The following ZMYM6 variants were observed in gnomAD, a reference collection of about 807,000 sequenced individuals.
ZMYM6 encodes zinc finger MYM-type protein 6.
In ZMYM6, 90 loss-of-function variants were observed where a neutral mutation model predicts 134.0. The ratio of observed to expected loss-of-function variants is 0.67; its 90% CI spans 0.57 to 0.80. The LOEUF (loss-of-function observed/expected upper bound fraction) is 0.80, where lower values mean the gene tolerates loss of function less well. Ranked by LOEUF, ZMYM6 falls within the 30% of genes least tolerant of loss-of-function variation. The pLI, the probability that ZMYM6 is intolerant of heterozygous loss-of-function variation, is 0.00. For missense variants in ZMYM6, 1,362 were observed against 1,533.9 expected, an observed-to-expected ratio of 0.89 and a Z score of 1.87; for synonymous variants, 481 against 524.1, an observed-to-expected ratio of 0.92 and a Z score of 1.12.
Position 35,010,613 on chromosome 1 carries a change from A to C in ZMYM6, c.1342-16T>G. On this transcript the variant is annotated splice_polypyrimidine_tract_variant and intron_variant, in intron 9 of 15. Coordinates refer to ENST00000357182, the MANE Select transcript of ZMYM6 (RefSeq NM_007167.4). ...ACATTTTACCCTGCAGAGAAACAAC[A>C]GTCCATTAAGAGCCAACTAAACAGT... The C allele has an allele frequency of 6.3e-7, 1 of 1,598,452 alleles. No homozygotes were observed. Among genetic ancestry groups the C allele is most frequent in the African/African-American group, 1.4e-5 (1 of 74,012 alleles).
At chr1:35,002,101 C>A (rs2148448268) in intron 14 of ZMYM6, among the ~76,000 whole-genome samples, 1 of 152,190 alleles carries the variant, frequency 6.6e-6, no homozygotes. Flanking sequence ...TGCCCAAGGC[C>A]CGGATTGACT....
Position 34,988,048 on chromosome 1 carries a change from TA to T in ZMYM6, c.3033del (p.Phe1011LeufsTer7). 1.3e-6 allele frequency: 2 copies of T among 1,551,574 alleles called. No individual in the cohort carries two copies. Among genetic ancestry groups the T allele is most frequent in the Non-Finnish European group, 1.7e-6 (2 of 1,146,964 alleles). ...AMNTAAFTHC[F>X]IHRERLVAEK... ...TCTGCCACTAAACGTTCACGGTGAATAAAACAATGTGTAAATGCCGCTGTAT... is the reference window on the plus strand; with the variant it reads ...TCTGCCACTAAACGTTCACGGTGAATAAACAATGTGTAAATGCCGCTGTAT... On this transcript the variant is annotated frameshift_variant, in exon 16 of 16. Coordinates refer to ENST00000357182, the MANE Select transcript of ZMYM6 (RefSeq NM_007167.4). LOFTEE classifies it high-confidence loss of function.
chr1:34,987,373 C>T lies in ZMYM6; in HGVS notation c.3709G>A (p.Glu1237Lys). The T allele has an allele frequency of 6.2e-7, 1 of 1,614,020 alleles. No individual in the cohort carries two copies. The highest frequency in any genetic ancestry group is 8.5e-7 in the Non-Finnish European group (1 of 1,179,992). The change falls in exon 16 of 16, where the codon GAG (glutamate) becomes AAG (lysine). Residue 1237 changes from glutamate (E) to lysine (K), a missense_variant. Glu to Lys is a moderately conservative substitution (Grantham distance 56). This residue lies in a region of ZMYM6 where 824 missense variants were observed against 940.9 expected (regional missense o/e 0.88). Transcript: ENST00000357182. Reference sequence around the variant, plus strand: ...TGTAATCCTAAATCTGAAGATAGCTCTGTTAGCTTTTCTTCTTCGAAGTCG... The same window carrying T: ...TGTAATCCTAAATCTGAAGATAGCTTTGTTAGCTTTTCTTCTTCGAAGTCG... ...LTDFEEEKLT[E>K]LSSDLGLQAL...
intron 14 of ZMYM6, among the ~76,000 whole-genome samples, chr1:34,998,600 C>T (rs975953859): frequency 2.6e-5 from 4 of 151,976 alleles, no homozygotes; most frequent in African/African-American, 9.7e-5. Context: ...GATGCTCAGA[C>T]TAAGGAGGCG....
At chr1:35,010,701 C>A (rs371365215) in intron 9 of ZMYM6, 57 bp downstream of exon 9, 2 of 1,538,414 alleles carry the variant, frequency 1.3e-6, no homozygotes, top group Non-Finnish European at 1.7e-6. Context: ...ATTGAAAACA[C>A]AAAAGTGTTT....
chr1:35,012,343 A>G (rs1007941037), intron 7 of ZMYM6, 88 bp downstream of exon 7: 20 of 1,195,238 alleles, frequency 1.7e-5, no homozygotes, highest in Non-Finnish European at 2.2e-5. Context: ...AAATAGATAA[A>G]TTTAGCTTGT....
At chr1:35,000,786 T>C (rs1187336853) in intron 14 of ZMYM6, among the ~76,000 whole-genome samples, 1 of 152,024 alleles carries the variant, frequency 6.6e-6, no homozygotes, top group Non-Finnish European at 1.5e-5. Context: ...CTTCCAGGGA[T>C]GTAAAAGGGA....
chr1:35,004,921 G>C (rs1287077573), intron 13 of ZMYM6, among the ~76,000 whole-genome samples: 2 of 151,874 alleles, frequency 1.3e-5, no homozygotes, highest in South Asian at 2.1e-4. Context: ...AGCTGGGCGT[G>C]GTGGCAGGCA....
chr1:34,999,261 A>G (rs1344893490), intron 14 of ZMYM6, among the ~76,000 whole-genome samples: 1 of 152,218 alleles, frequency 6.6e-6, no homozygotes, highest in East Asian at 1.9e-4. Context: ...ATTGACTACC[A>G]GATTTGGCAA....
At chr1:35,031,087 C>G (rs936586806) in intron 1 of ZMYM6, among the ~76,000 whole-genome samples, 1 of 152,192 alleles carries the variant, frequency 6.6e-6, no homozygotes, top group Non-Finnish European at 1.5e-5. Flanking sequence ...TAGAGGCCCA[C>G]GTCGGCTTTT....
chr1:34,994,429 A>G (rs1411304538), intron 14 of ZMYM6, among the ~76,000 whole-genome samples: 1 of 152,148 alleles, frequency 6.6e-6, no homozygotes, highest in African/African-American at 2.4e-5. Flanking sequence ...CAGGCAGACT[A>G]TAGGTGCAAA....
chr1:35,015,743 A>AAAAAAAAATATATATATATAT, intron 4 of ZMYM6, among the ~76,000 whole-genome samples: 6 of 106,468 alleles, frequency 5.6e-5, no homozygotes, highest in African/African-American at 4.0e-4. Flanking sequence ...AAAAAAAAAA[A>AAAAAAAAATATATATATATAT]ATATATATAT....
chr1:34,997,438 G>C (rs1640803549), intron 14 of ZMYM6, among the ~76,000 whole-genome samples: 1 of 152,140 alleles, frequency 6.6e-6, no homozygotes, highest in Non-Finnish European at 1.5e-5. Flanking sequence ...CTGAGTAGCT[G>C]GGATTACAGG....
intron 1 of ZMYM6, 118 bp from the exon 2 acceptor site, chr1:35,030,831 G>A (rs1641508592): frequency 1.1e-5 from 6 of 556,632 alleles, no homozygotes; most frequent in Admixed American, 7.6e-5. Flanking sequence ...CTCTTCTGGG[G>A]CCACAACTAA....
At position 34,992,304 on chromosome 1, in the gene ZMYM6, T is replaced by A. The variant is rs1361178434; in HGVS notation, c.2076A>T (p.Ser692=). ...CCTTGGTCTGTGTGACGGGTTTGCA[T>A]GATATGCCTTTGTTCTTTAAAAGCC... ...PSRLLKNKGI[S]CKPVTQTKAT... is the part of the protein sequence containing the mutation. Residue 692 remains serine, a synonymous_variant, in exon 15 of 16, where the codon TCA becomes TCT. Coordinates refer to ENST00000357182, the MANE Select transcript of ZMYM6 (RefSeq NM_007167.4). The A allele has an allele frequency of 2.5e-6, 4 of 1,614,012 alleles. No individual in the cohort carries two copies. The African/African-American group carries it at 5.3e-5, about 22-fold the overall frequency.
In ZMYM6 at chr1:35,014,765, A is replaced by G. The variant is rs140549132; in HGVS notation, c.727T>C (p.Tyr243His). The change falls in exon 6 of 16, where the codon TAT (tyrosine) becomes CAT (histidine). Residue 243 changes from tyrosine to histidine, a missense_variant. This residue lies in a region of ZMYM6 where 503 missense variants were observed against 520.8 expected (regional missense o/e 0.97). Transcript: ENST00000357182. The part of the protein sequence containing the change: ...NCCENCGSYC[Y>H]SSSGPCQSQK... ...GATTGGCAAGGACCAGAGCTACTAT[A>G]GCAATAGCTCCCACAGTTCTCACAA... is the stretch of plus-strand genomic sequence containing the variant. 1.8e-5 allele frequency: 29 copies of G among 1,614,090 alleles called. No individual in the cohort carries two copies. Among genetic ancestry groups the G allele is most frequent in the Non-Finnish European group, 2.3e-5 (27 of 1,180,044 alleles).
Position 35,016,930 on chromosome 1 carries a change from G to A in ZMYM6, c.429-1768C>T, listed in dbSNP as rs528726505. Among the ~76,000 whole-genome samples the A allele has an allele frequency of 2.0e-4, 31 of 151,962 alleles. No homozygotes were observed. The South Asian group carries it at 5.4e-3, about 27-fold the overall frequency. On this transcript the variant is annotated intron_variant, in intron 4 of 15. Coordinates refer to ENST00000357182, the MANE Select transcript of ZMYM6 (RefSeq NM_007167.4). ...TGAGGTGGGAGGATTGCTTGAGCCCGGGAGGTAGAGGCTGCAGTGAGCTGG... is the reference window on the plus strand; with the variant it reads ...TGAGGTGGGAGGATTGCTTGAGCCCAGGAGGTAGAGGCTGCAGTGAGCTGG...
intron 15 of ZMYM6, chr1:34,989,359 G>A (rs1360379848): frequency 1.2e-5 from 6 of 499,510 alleles, no homozygotes; most frequent in African/African-American, 6.8e-5. Context: ...GCAACATGGC[G>A]AAACTCCATC....
At chr1:34,995,972 G>A (rs745916289) in intron 14 of ZMYM6, among the ~76,000 whole-genome samples, 13 of 152,010 alleles carry the variant, frequency 8.6e-5, no homozygotes, top group Admixed American at 2.0e-4. Flanking sequence ...ATTATTAAAT[G>A]TACCATAAGT....
Sources: gnomAD v4.1 joint callset for allele counts (sites outside exome capture counted in the v4.1 genomes callset) on GRCh38, gnomAD v4.1.1 for gene constraint, gnomAD v4.1.1 regional missense constraint, MANE v1.5 for transcripts, NCBI Gene and HGNC (gene_info 2026-07-23, HGNC 2026-07-21) for gene names.